Variants in SOCS6 observed in about 807,000 individuals in gnomAD.
The protein encoded by SOCS6 is suppressor of cytokine signaling 6, also known as STAT induced STAT inhibitor-4.
A neutral mutation model predicts 27.7 loss-of-function variants in SOCS6; 5 were observed. The ratio of observed to expected loss-of-function variants is 0.18; its 90% CI spans 0.09 to 0.38. The LOEUF is 0.38. Among genes scored for constraint, SOCS6 ranks in the 10% least tolerant of loss-of-function variants. The pLI is 1.00. For synonymous variants in SOCS6, 271 were observed against 260.0 expected, an observed-to-expected ratio of 1.04 and a Z score of -0.41; for missense variants, 595 against 688.1, an observed-to-expected ratio of 0.86 and a Z score of 1.51.
At chr18:70,310,392 C>A (rs571063359) in intron 1 of SOCS6, among the ~76,000 whole-genome samples, 45 of 151,780 alleles carry the variant, frequency 3.0e-4, no homozygotes, top group African/African-American at 1.0e-3. Flanking sequence ...GGTGATCCTC[C>A]CACCTCAGCC....
chr18:70,304,966 G>T (rs901644390), intron 1 of SOCS6, among the ~76,000 whole-genome samples: 1 of 152,134 alleles, frequency 6.6e-6, no homozygotes. Flanking sequence ...CAGCACTTTG[G>T]GATGCCGAGG....
chr18:70,321,486 A>ATTTTT (rs765150837), intron 1 of SOCS6, among the ~76,000 whole-genome samples: 95 of 112,628 alleles, frequency 8.4e-4, no homozygotes, highest in African/African-American at 3.1e-3. Context: ...ATGCCTGGCT[A>ATTTTT]TTTTTTTTTT....
At chr18:70,299,608 G>A (rs41322549) in intron 1 of SOCS6, among the ~76,000 whole-genome samples, 45,522 of 152,054 alleles carry the variant, frequency 0.3, 7,797 homozygotes, top group East Asian at 0.73. Context: ...GGGTCTCTGG[G>A]TGACCAGCCC....
At chr18:70,291,230 C>G (rs1391160214) in intron 1 of SOCS6, among the ~76,000 whole-genome samples, 2 of 152,182 alleles carry the variant, frequency 1.3e-5, no homozygotes, top group Non-Finnish European at 2.9e-5. Context: ...CCTCAGCCTC[C>G]TGAGTAGCTT....
chr18:70,320,100 T>TC (rs1327789505), intron 1 of SOCS6, among the ~76,000 whole-genome samples: 4 of 152,072 alleles, frequency 2.6e-5, no homozygotes, highest in Admixed American at 6.6e-5. Context: ...CAAGTGATTC[T>TC]CCTTCAGCCT....
chr18:70,298,693 C>G (rs998958448), intron 1 of SOCS6, among the ~76,000 whole-genome samples: 2 of 152,096 alleles, frequency 1.3e-5, no homozygotes, highest in Non-Finnish European at 2.9e-5. Flanking sequence ...AGTTAAGATA[C>G]CTATATTAAT....
chr18:70,289,527 T>C (rs2062288846), intron 1 of SOCS6, among the ~76,000 whole-genome samples: 1 of 146,238 alleles, frequency 6.8e-6, no homozygotes, highest in Admixed American at 6.8e-5. Flanking sequence ...CCGCGAGGCC[T>C]GGGCAGCGGC....
intron 1 of SOCS6, among the ~76,000 whole-genome samples, chr18:70,309,271 A>G (rs367674108): frequency 1.3e-5 from 2 of 152,152 alleles, no homozygotes; most frequent in East Asian, 3.8e-4. Context: ...TTTTTAGCTT[A>G]TGAAATACAC....
chr18:70,296,293 A>G (rs908417532), intron 1 of SOCS6, among the ~76,000 whole-genome samples: 1 of 152,218 alleles, frequency 6.6e-6, no homozygotes, highest in African/African-American at 2.4e-5. Flanking sequence ...TTCAGATCAA[A>G]TAAGTTATTT....
chr18:70,322,756 A>G (rs1911037012), intron 1 of SOCS6, among the ~76,000 whole-genome samples: 1 of 152,222 alleles, frequency 6.6e-6, no homozygotes, highest in Non-Finnish European at 1.5e-5. Flanking sequence ...ACTTTTAAAA[A>G]TTGCTTCTTC....
At chr18:70,312,364 A>T (rs1442513146) in intron 1 of SOCS6, among the ~76,000 whole-genome samples, 4 of 152,116 alleles carry the variant, frequency 2.6e-5, no homozygotes, top group African/African-American at 9.7e-5. Context: ...ATTGTTGTCC[A>T]TATGTCTTTG....
intron 1 of SOCS6, among the ~76,000 whole-genome samples, chr18:70,309,888 G>A (rs1338804250): frequency 6.6e-6 from 1 of 152,148 alleles, no homozygotes; most frequent in African/African-American, 2.4e-5. Context: ...ATTTCACCAT[G>A]TTGGCCAGGC....
intron 1 of SOCS6, among the ~76,000 whole-genome samples, chr18:70,296,906 C>CTTTTTTTTTTTTTTTTTTTT (rs375704179): frequency 7.7e-6 from 1 of 129,156 alleles, no homozygotes. Context: ...CATTTTCTTT[C>CTTTTTTTTTTTTTTTTTTTT]TTTTTTTTTT....
chr18:70,323,546 T>C (rs377033327), intron 1 of SOCS6, among the ~76,000 whole-genome samples: 4 of 152,292 alleles, frequency 2.6e-5, no homozygotes, highest in African/African-American at 7.2e-5. Flanking sequence ...TCCAAATAGA[T>C]CAAAACTAGA....
At chr18:70,315,539 A>G (rs1404258842) in intron 1 of SOCS6, among the ~76,000 whole-genome samples, 2 of 152,210 alleles carry the variant, frequency 1.3e-5, no homozygotes, top group South Asian at 4.1e-4. Flanking sequence ...CTGATTTTGT[A>G]TAAGCACATT....
At chr18:70,322,665 A>G (rs1002065577) in intron 1 of SOCS6, among the ~76,000 whole-genome samples, 1 of 152,196 alleles carries the variant, frequency 6.6e-6, no homozygotes, top group Non-Finnish European at 1.5e-5. Flanking sequence ...TTCATTTATT[A>G]TTTAAAAGTA....
At chr18:70,290,262 A>G (rs2062292895) in intron 1 of SOCS6, among the ~76,000 whole-genome samples, 1 of 152,216 alleles carries the variant, frequency 6.6e-6, no homozygotes, top group African/African-American at 2.4e-5. Flanking sequence ...AACAAAAGTA[A>G]ACGTTCTACT....
chr18:70,296,962 C>T (rs978188637), intron 1 of SOCS6, among the ~76,000 whole-genome samples: 11 of 127,920 alleles, frequency 8.6e-5, no homozygotes, highest in African/African-American at 2.8e-4. Context: ...CTCCTAAATC[C>T]GTCTACTTAT....
intron 1 of SOCS6, among the ~76,000 whole-genome samples, chr18:70,310,665 C>T (rs1400572396): frequency 2.6e-5 from 4 of 151,840 alleles, no homozygotes; most frequent in Admixed American, 2.0e-4. Context: ...TGCTTTTATC[C>T]CCATTTTCAC....
Sources: gnomAD v4.1 joint callset for allele counts (sites outside exome capture counted in the v4.1 genomes callset) on GRCh38, gnomAD v4.1.1 for gene constraint, MANE v1.5 for transcripts, NCBI Gene and HGNC (gene_info 2026-07-23, HGNC 2026-07-21) for gene names.